USP11: variants seen among roughly 807,000 people sequenced by gnomAD.
The protein encoded by USP11 is ubiquitin specific peptidase 11.
In USP11, 5 loss-of-function variants were observed where a neutral mutation model predicts 72.8. That is an observed-to-expected ratio of 0.07 (90% CI 0.04 to 0.14). The LOEUF is 0.14. Ranked by LOEUF, USP11 falls within the 10% of genes least tolerant of loss-of-function variation. The pLI, the probability that USP11 is intolerant of heterozygous loss-of-function variation, is 1.00. For synonymous variants in USP11, 368 were observed against 326.5 expected (o/e 1.13, Z -1.37); for missense variants, 480 against 794.7 (o/e 0.60, Z 4.76).
chrX:47,246,233 A>G (rs1325889884), intron 17 of USP11, among the ~76,000 whole-genome samples: 1 of 112,349 alleles, frequency 8.9e-6, no homozygotes, highest in African/African-American at 3.2e-5. Flanking sequence ...TCGAGGGTGA[A>G]GACTTAAGTT....
rs1343163229 is a variant in USP11, at chrX:47,242,742, G to A, written c.1583+22G>A. The A allele has an allele frequency of 3.5e-6, 4 of 1,142,767 alleles. No individual in the cohort carries two copies. In the African/African-American group the frequency reaches 5.4e-5, roughly 15 times the overall value. The allele number at this position is 1,142,767 out of a possible 1,213,427, so 94.2% of individuals were successfully genotyped here. A position where few individuals can be genotyped will look rare whatever the true frequency, so the allele number is the denominator to read the frequency against. On this transcript the variant is annotated intron_variant, in intron 12 of 20. Coordinates refer to ENST00000377107, the MANE Select transcript of USP11 (RefSeq NM_001371072.1). Reference sequence around the variant, plus strand: ...TCGTGTGAGTGGGGATGGCAGGGAGGTGGTGGTTCCTCAGGAACTTGGTCC... The same window carrying A: ...TCGTGTGAGTGGGGATGGCAGGGAGATGGTGGTTCCTCAGGAACTTGGTCC...
chrX:47,245,449 C>A lies in USP11; in HGVS notation c.2237C>A (p.Thr746Asn). Reference sequence around the variant, plus strand: ...CTGCAGGAGTGCATTGAGCTCTTCACCACTGTGGAGACCCTGGAGAAGGAA... The same window carrying A: ...CTGCAGGAGTGCATTGAGCTCTTCAACACTGTGGAGACCCTGGAGAAGGAA... ...VRLQECIELF[T>N]TVETLEKENP... The change falls in exon 17 of 21, where the codon ACC (threonine) becomes AAC (asparagine). Residue 746 changes from threonine (T) to asparagine (N), a missense_variant. By Grantham distance (65) the Thr-to-Asn change is moderately conservative (BLOSUM62 0). Coordinates refer to ENST00000377107, the MANE Select transcript of USP11 (RefSeq NM_001371072.1). 8.3e-7 allele frequency: 1 copy of A among 1,210,735 alleles called. No individual in the cohort carries two copies. The highest frequency in any genetic ancestry group is 1.8e-5 in the South Asian group (1 of 56,955).
intron 1 of USP11, chrX:47,233,552 G>A (rs1029463126): frequency 2.3e-6 from 2 of 884,784 alleles, no homozygotes; most frequent in African/African-American, 4.2e-5. Flanking sequence ...TGCTACATAA[G>A]GCGGGGGCGC....
intron 1 of USP11, 59 bp from the exon 2 acceptor site, chrX:47,239,011 G>A (rs55754490): frequency 7.3e-4 from 629 of 859,392 alleles, no homozygotes; most frequent in Non-Finnish European, 9.9e-4. Context: ...GGCATGGGAA[G>A]TTGTATAGCT....
intron 1 of USP11, 178 bp downstream of exon 1, chrX:47,233,397 C>T (rs2055355308): frequency 2.8e-6 from 3 of 1,078,916 alleles, no homozygotes; most frequent in Non-Finnish European, 3.6e-6. Context: ...ATCGCAACGT[C>T]TGGAAAAGGG....
At chrX:47,233,561 G>A in intron 1 of USP11, 1 of 865,892 alleles carries the variant, frequency 1.2e-6, no homozygotes, top group Non-Finnish European at 1.4e-6. Context: ...AGGCGGGGGC[G>A]CGGCCTGCGC....
chrX:47,245,200 T>C (rs1331227445), intron 16 of USP11, 114 bp downstream of exon 16: 1 of 1,048,289 alleles, frequency 9.5e-7, no homozygotes, highest in Non-Finnish European at 1.3e-6. Context: ...CAGGTCAAGC[T>C]TGGCCTTGGG....
At position 47,233,235 on chromosome X, in the gene USP11, G is replaced by C. The variant is rs769192389; in HGVS notation, c.176+16G>C. On this transcript the variant is annotated intron_variant, in intron 1 of 20. Coordinates refer to ENST00000377107, the MANE Select transcript of USP11 (RefSeq NM_001371072.1). ...GCGAAAGCTGGTGAGGCTGGGCTGC[G>C]GTGGAGCCTCGGCAGAGGGAACGGT... The C allele has an allele frequency of 2.6e-6, 3 of 1,149,438 alleles. No individual in the cohort carries two copies. The highest frequency in any genetic ancestry group is 3.5e-6 in the Non-Finnish European group (3 of 862,371). 94.7% of individuals were successfully genotyped at this position (1,149,438 alleles called of 1,213,427 possible). A position where few individuals can be genotyped will look rare whatever the true frequency, so the allele number is the denominator to read the frequency against.
intron 9 of USP11, 126 bp downstream of exon 9, chrX:47,241,825 C>T: frequency 1.1e-6 from 1 of 892,875 alleles, no homozygotes; most frequent in African/African-American, 2.0e-5. Context: ...CTGACCTCAA[C>T]TCCAGCCTTA....
intron 3 of USP11, 140 bp from the exon 4 acceptor site, chrX:47,239,650 G>C: frequency 1.0e-6 from 1 of 972,724 alleles, no homozygotes; most frequent in South Asian, 2.2e-5. Flanking sequence ...GTTCCCCTGT[G>C]TGGCTCTCTT....
At chrX:47,237,784 GTA>G (rs1371299351) in intron 1 of USP11, among the ~76,000 whole-genome samples, 2,076 of 27,350 alleles carry the variant, frequency 0.076, 64 homozygotes, top group African/African-American at 0.15. Flanking sequence ...AGGTGTGTGT[GTA>G]TGTGTGTGTG....
Position 47,245,027 on chromosome X carries a change from A to G in USP11, c.2098A>G (p.Ile700Val), listed in dbSNP as rs1343044760. ...SPEEVHAQPY[I>V]AIDWEPEMKK... ...TCCCTCACCCCCAGCCCAGCCGTACATTGCTATCGACTGGGAGCCAGAGAT... is the reference window on the plus strand; with the variant it reads ...TCCCTCACCCCCAGCCCAGCCGTACGTTGCTATCGACTGGGAGCCAGAGAT... Residue 700 changes from isoleucine to valine, a missense_variant, in exon 16 of 21, where the codon ATT becomes GTT. Ile to Val is a conservative substitution (Grantham distance 29). Around this residue, in one of 5 missense-constraint regions of USP11, gnomAD observed 314 missense variants for 556.0 expected, o/e 0.56. Coordinates refer to ENST00000377107, the MANE Select transcript of USP11 (RefSeq NM_001371072.1). 10 of 1,210,327 alleles carry G rather than the reference A, an allele frequency of 8.3e-6. No homozygotes were observed. The highest frequency in any genetic ancestry group is 1.8e-5 in the South Asian group (1 of 56,812).
chrX:47,244,810 T>C lies in USP11; in HGVS notation c.1972T>C (p.Cys658Arg). The change falls in exon 15 of 21, where the codon TGC (cysteine) becomes CGC (arginine). Residue 658 changes from cysteine (C) to arginine (R), a missense_variant. Physicochemically the swap from Cys to Arg is radical, Grantham distance 180. Coordinates refer to ENST00000377107, the MANE Select transcript of USP11 (RefSeq NM_001371072.1). Reference sequence around the variant, plus strand: ...CAGGTGCCCGTTCCTCCTGGACAATTGCCTTGGCACATCTCAGTGGCCCCC... The same window carrying C: ...CAGGTGCCCGTTCCTCCTGGACAATCGCCTTGGCACATCTCAGTGGCCCCC... ...TNRCPFLLDN[C>R]LGTSQWPPRR... 1 of 1,210,255 alleles carries C rather than the reference T, an allele frequency of 8.3e-7. No individual in the cohort carries two copies. The highest frequency in any genetic ancestry group is 1.1e-6 in the Non-Finnish European group (1 of 895,202).
rs1279522969 is a variant in USP11, at chrX:47,240,792, A to G, written c.762A>G (p.Glu254=). The G allele has an allele frequency of 8.3e-7, 1 of 1,211,929 alleles. No homozygotes were observed. Among genetic ancestry groups the G allele is most frequent in the Non-Finnish European group, 1.1e-6 (1 of 895,452 alleles). Residue 254 remains glutamate (E), a synonymous_variant, in exon 7 of 21, where the codon GAA becomes GAG. Transcript: ENST00000377107. ...ACCCCAGGAACAACAACATGTCGGA[A>G]GAGGATGAGGACTTCAAGGGTCAGC... ...QLHVMNNNMS[E]EDEDFKGQPG...
At chrX:47,239,673 T>A in intron 3 of USP11, 117 bp from the exon 4 acceptor site, 2 of 966,925 alleles carry the variant, frequency 2.1e-6, no homozygotes, top group South Asian at 4.3e-5. Context: ...CAGACCATTG[T>A]ATATGTGTGT....
intron 17 of USP11, among the ~76,000 whole-genome samples, chrX:47,246,275 G>A (rs1167563188): frequency 8.9e-6 from 1 of 112,374 alleles, no homozygotes; most frequent in Non-Finnish European, 1.9e-5. Context: ...GTTTATAATA[G>A]TGTTGAGTGT....
Position 47,248,129 on chromosome X carries a change from C to T in USP11, c.*199C>T, listed in dbSNP as rs985258711. The stretch of plus-strand genomic sequence containing the variant: ...GGTCGTGTCTCCTCCTAGCAGTGCG[C>T]GCCCCGCCTGTGTTTGCCCTTCCAG... On this transcript the variant is annotated 3_prime_UTR_variant, in exon 21 of 21. Transcript: ENST00000377107. 2.3e-5 allele frequency: 13 copies of T among 556,045 alleles called. No homozygotes were observed. Among genetic ancestry groups the T allele is most frequent in the East Asian group, 2.3e-4 (6 of 25,711 alleles). 45.8% of individuals were successfully genotyped at this position (556,045 alleles called of 1,213,427 possible).
At chrX:47,245,195 C>T in intron 16 of USP11, 109 bp downstream of exon 16, 1 of 1,045,280 alleles carries the variant, frequency 9.6e-7, no homozygotes, top group Non-Finnish European at 1.3e-6. Context: ...AGATCCAGGT[C>T]AAGCTTGGCC....
In USP11 at chrX:47,247,982, C is replaced by T. The variant is rs1273301030; in HGVS notation, c.*52C>T. ...AAAAAAAAAAAGCCCTCTCTGCAAT[C>T]TCGCTTCTCGTGTCCGCCCCGCTTC... On this transcript the variant is annotated 3_prime_UTR_variant, in exon 21 of 21. Transcript: ENST00000377107. 2.8e-5 allele frequency: 32 copies of T among 1,131,858 alleles called. No homozygotes were observed. Among genetic ancestry groups the T allele is most frequent in the Non-Finnish European group, 3.7e-5 (32 of 863,671 alleles). The allele number at this position is 1,131,858 out of a possible 1,213,427, so 93.3% of individuals were successfully genotyped here.
Sources: gnomAD v4.1 joint callset for allele counts (sites outside exome capture counted in the v4.1 genomes callset) on GRCh38, gnomAD v4.1.1 for gene constraint, gnomAD v4.1.1 regional missense constraint, MANE v1.5 for transcripts, NCBI Gene and HGNC (gene_info 2026-07-23, HGNC 2026-07-21) for gene names.